The following RAD51B variants were observed in gnomAD, a reference collection of about 807,000 sequenced individuals.
The protein encoded by RAD51B is RAD51 paralog B, also known as DNA repair protein RAD51 homolog 2.
RAD51B carries 38 observed loss-of-function variants against 42.2 expected under a neutral mutation model. That is an observed-to-expected ratio of 0.90 (90% CI 0.70 to 1.18). RAD51B has a LOEUF of 1.18. Ranked by LOEUF, RAD51B falls within the 50% of genes most tolerant of loss-of-function variation. The pLI is 0.00. For missense variants in RAD51B, 373 were observed against 400.7 expected (o/e 0.93, Z 0.59); for synonymous variants, 154 against 145.2 (o/e 1.06, Z -0.43).
At chr14:68,503,167 TC>T (rs1885040713) in intron 10 of RAD51B, among the ~76,000 whole-genome samples, 1 of 152,148 alleles carries the variant, frequency 6.6e-6, no homozygotes, top group Non-Finnish European at 1.5e-5. Context: ...ATAGGAAAGC[TC>T]TTCTCTCCTC....
chr14:68,197,039 C>G (rs983982714), intron 7 of RAD51B, among the ~76,000 whole-genome samples: 10 of 152,136 alleles, frequency 6.6e-5, no homozygotes, highest in African/African-American at 2.4e-4. Flanking sequence ...CTTATTTACT[C>G]ATGATACTAA....
chr14:67,920,896 G>GA (rs1005214808), intron 7 of RAD51B, among the ~76,000 whole-genome samples: 1 of 152,170 alleles, frequency 6.6e-6, no homozygotes, highest in African/African-American at 2.4e-5. Context: ...GCTATCTTAA[G>GA]AAAAATATGT....
At chr14:68,495,434 C>T (rs753100644) in intron 10 of RAD51B, among the ~76,000 whole-genome samples, 10 of 152,164 alleles carry the variant, frequency 6.6e-5, no homozygotes, top group South Asian at 2.1e-4. Context: ...TAAGGATGTC[C>T]GATGGCAGAG....
intron 7 of RAD51B, among the ~76,000 whole-genome samples, chr14:68,148,905 A>G (rs1390997202): frequency 6.6e-6 from 1 of 152,196 alleles, no homozygotes; most frequent in Non-Finnish European, 1.5e-5. Flanking sequence ...GGTATATTAC[A>G]TTTATTTTTG....
At chr14:68,226,184 G>C (rs1006191776) in intron 7 of RAD51B, among the ~76,000 whole-genome samples, 3 of 152,168 alleles carry the variant, frequency 2.0e-5, no homozygotes, top group Non-Finnish European at 4.4e-5. Flanking sequence ...GCAATTAGTT[G>C]AGTGTTCTTA....
chr14:68,285,789 A>G (rs1480688052), intron 7 of RAD51B, among the ~76,000 whole-genome samples: 1 of 152,216 alleles, frequency 6.6e-6, no homozygotes, highest in African/African-American at 2.4e-5. Context: ...TCTGTTGCAC[A>G]GAGACATGAG....
At chr14:68,045,324 A>G in intron 7 of RAD51B, among the ~76,000 whole-genome samples, 1 of 151,994 alleles carries the variant, frequency 6.6e-6, no homozygotes. Flanking sequence ...TTGGATAATA[A>G]AGAATATAGA....
intron 8 of RAD51B, among the ~76,000 whole-genome samples, chr14:68,356,351 C>T (rs1359779809): frequency 6.8e-6 from 1 of 146,596 alleles, no homozygotes; most frequent in East Asian, 2.0e-4. Flanking sequence ...GGGAGAATGG[C>T]GTGAACCCAG....
At chr14:68,630,373 C>T (rs1892198546) in intron 10 of RAD51B, among the ~76,000 whole-genome samples, 4 of 152,194 alleles carry the variant, frequency 2.6e-5, no homozygotes, top group Non-Finnish European at 5.9e-5. Context: ...CTTTCTCCCC[C>T]ACTAGTCCCC....
At chr14:68,622,723 CAAAAAAAAA>C (rs34816047) in intron 10 of RAD51B, among the ~76,000 whole-genome samples, 3 of 115,456 alleles carry the variant, frequency 2.6e-5, no homozygotes, top group Middle Eastern at 4.7e-3. Context: ...TATCCATTTA[CAAAAAAAAA>C]AAAAAAAAAA....
intron 7 of RAD51B, among the ~76,000 whole-genome samples, chr14:68,204,717 C>T (rs1301260773): frequency 4.6e-5 from 7 of 151,944 alleles, no homozygotes; most frequent in African/African-American, 9.7e-5. Context: ...AAAAAATAGC[C>T]GTTTACCCTA....
At chr14:68,599,360 G>A (rs929503383), downstream of RAD51B, among the ~76,000 whole-genome samples, 16 of 152,308 alleles carry the variant, frequency 1.1e-4, no homozygotes, top group East Asian at 1.7e-3. Context: ...CAGAAGTTGC[G>A]CAAGGTGGAA....
At chr14:68,466,839 T>C (rs1326449200) in intron 9 of RAD51B, among the ~76,000 whole-genome samples, 1 of 152,136 alleles carries the variant, frequency 6.6e-6, no homozygotes, top group Non-Finnish European at 1.5e-5. Context: ...TAGAGGAAAA[T>C]TGTAGGCTCT....
At chr14:68,521,093 A>G (rs1886544709) in intron 10 of RAD51B, among the ~76,000 whole-genome samples, 2 of 152,214 alleles carry the variant, frequency 1.3e-5, no homozygotes, top group Admixed American at 6.5e-5. Flanking sequence ...TGGTGACTCA[A>G]GCCCGCACCT....
At position 67,981,565 on chromosome 14, in the gene RAD51B, T is replaced by A. The variant is rs144233156; in HGVS notation, c.756+94361T>A. Among the ~76,000 whole-genome samples, 16 of 152,312 alleles carry A rather than the reference T, an allele frequency of 1.1e-4. No homozygotes were observed. The East Asian group carries it at 3.1e-3, about 29-fold the overall frequency. ...AAAAATGAAGTCACCCGCATGTCCA[T>A]CAACAAGTGAATGGATAAACAAACT... On this transcript the variant is annotated intron_variant, in intron 7 of 10. Transcript: ENST00000471583.
chr14:68,515,647 A>G (rs1433166567), intron 10 of RAD51B, among the ~76,000 whole-genome samples: 2 of 149,770 alleles, frequency 1.3e-5, no homozygotes, highest in East Asian at 1.9e-4. Context: ...GGGTCTCGCT[A>G]TGTTGCCCAG....
At chr14:68,517,156 C>T (rs1359687827) in intron 10 of RAD51B, among the ~76,000 whole-genome samples, 1 of 151,670 alleles carries the variant, frequency 6.6e-6, no homozygotes, top group Non-Finnish European at 1.5e-5. Context: ...GACCATCATA[C>T]TTCAGGATGC....
intron 7 of RAD51B, among the ~76,000 whole-genome samples, chr14:68,252,243 G>T (rs1478771779): frequency 6.6e-6 from 1 of 152,182 alleles, no homozygotes; most frequent in Non-Finnish European, 1.5e-5. Flanking sequence ...CGTTCTGATT[G>T]TCTTGGAAAT....
intron 7 of RAD51B, among the ~76,000 whole-genome samples, chr14:68,017,376 A>G (rs950838023): frequency 6.6e-6 from 1 of 151,938 alleles, no homozygotes; most frequent in Non-Finnish European, 1.5e-5. Flanking sequence ...TTTGTATTTT[A>G]GTAGAGACAA....
Sources: gnomAD v4.1 joint callset for allele counts (sites outside exome capture counted in the v4.1 genomes callset) on GRCh38, gnomAD v4.1.1 for gene constraint, MANE v1.5 for transcripts, NCBI Gene and HGNC (gene_info 2026-07-23, HGNC 2026-07-21) for gene names.